Variants in APCDD1L observed in about 807,000 individuals in gnomAD.
The protein encoded by APCDD1L is protein APCDD1-like.
A neutral mutation model predicts 24.2 loss-of-function variants in APCDD1L; 21 were observed. The observed-to-expected ratio is 0.87, with a 90% CI of 0.61 to 1.25. The LOEUF (loss-of-function observed/expected upper bound fraction) is 1.25, where lower values mean the gene tolerates loss of function less well. Ranked by LOEUF, APCDD1L falls within the 50% of genes most tolerant of loss-of-function variation. APCDD1L has a pLI of 0.00. For missense variants in APCDD1L, 704 were observed against 711.7 expected, an observed-to-expected ratio of 0.99 and a Z score of 0.12; for synonymous variants, 321 against 323.6, an observed-to-expected ratio of 0.99 and a Z score of 0.09.
At chr20:58,484,123 A>G (rs963136657) in intron 1 of APCDD1L, among the ~76,000 whole-genome samples, 2 of 152,228 alleles carry the variant, frequency 1.3e-5, no homozygotes, top group African/African-American at 2.4e-5. Flanking sequence ...TTGGGTATGG[A>G]CAGAGAAGAG....
At chr20:58,466,777 G>A (rs562515463) in intron 3 of APCDD1L, among the ~76,000 whole-genome samples, 2 of 152,302 alleles carry the variant, frequency 1.3e-5, no homozygotes, top group South Asian at 4.2e-4. Flanking sequence ...CTAAGGGAGG[G>A]GGACACCCAC....
At chr20:58,504,353 G>A (rs995730830) in intron 1 of APCDD1L, among the ~76,000 whole-genome samples, 47 of 152,176 alleles carry the variant, frequency 3.1e-4, no homozygotes, top group Non-Finnish European at 7.3e-5. Flanking sequence ...AGGGAGCAGT[G>A]AGTTCTGGGC....
rs73915901 is a variant in APCDD1L, at chr20:58,507,515, G to C, written c.49+7144C>G. On this transcript the variant is annotated intron_variant, in intron 1 of 3. Coordinates refer to ENST00000371149, the MANE Select transcript of APCDD1L (RefSeq NM_153360.3). ...CTCTCCTTCTCCCTCTGCCACATAC[G>C]CACACCCACCCACACCCCCACACAC... Among the ~76,000 whole-genome samples the C allele has an allele frequency of 9.0e-4, 137 of 151,552 alleles. 1 individual carries two copies. Among genetic ancestry groups the C allele is most frequent in the African/African-American group, 3.2e-3 (131 of 41,284 alleles).
At chr20:58,492,728 C>T (rs1029462111) in intron 1 of APCDD1L, among the ~76,000 whole-genome samples, 8 of 152,252 alleles carry the variant, frequency 5.3e-5, no homozygotes, top group East Asian at 1.9e-4. Context: ...CCTGTGCATA[C>T]GCATGCACTG....
At chr20:58,465,471 C>T (rs939796671) in intron 3 of APCDD1L, among the ~76,000 whole-genome samples, 2 of 152,076 alleles carry the variant, frequency 1.3e-5, no homozygotes, top group Admixed American at 6.6e-5. Context: ...GTCCAGTACA[C>T]GGTAGGCAAC....
chr20:58,484,400 A>G (rs915803954), intron 1 of APCDD1L, among the ~76,000 whole-genome samples: 3 of 152,210 alleles, frequency 2.0e-5, no homozygotes, highest in African/African-American at 4.8e-5. Flanking sequence ...CTGAACTTCC[A>G]TCTCTACAAC....
rs374283748 is a variant in APCDD1L at position 58,494,377 on chromosome 20, G to A, written c.49+20282C>T. ...TCTTGAGTCAGGGTTTCATTCTGTC[G>A]CATAGGCTAGAGTACAATGGGATCG... On this transcript the variant is annotated intron_variant, in intron 1 of 3. Transcript: ENST00000371149. The surrounding 1 kb of genome is among the most constrained non-coding windows in gnomAD (Gnocchi z 4.8). Among the ~76,000 whole-genome samples the A allele has an allele frequency of 1.5e-4, 22 of 149,574 alleles. No individual in the cohort carries two copies. The highest frequency in any genetic ancestry group is 6.4e-4 in the South Asian group (3 of 4,718).
chr20:58,474,704 CAAACAAAACA>C (rs762333127), intron 1 of APCDD1L, among the ~76,000 whole-genome samples: 13 of 152,210 alleles, frequency 8.5e-5, no homozygotes, highest in Non-Finnish European at 2.9e-5. Flanking sequence ...GACTCAGTCT[CAAACAAAACA>C]AAACAAAACA....
intron 3 of APCDD1L, among the ~76,000 whole-genome samples, chr20:58,465,934 A>T (rs1252617268): frequency 3.9e-5 from 6 of 151,916 alleles, no homozygotes. Flanking sequence ...AATCCCACGT[A>T]TTTTCTCTTA....
rs190035602 is a variant in APCDD1L, at chr20:58,500,724, G to A, written c.49+13935C>T. Among the ~76,000 whole-genome samples, 408 of 152,184 alleles carry A rather than the reference G, an allele frequency of 2.7e-3. 7 individuals carry two copies. The South Asian group carries it at 0.027, about 10-fold the overall frequency. On this transcript the variant is annotated intron_variant, in intron 1 of 3. Transcript: ENST00000371149. ...TCACCACAGCCACCCACGCTCTGAG[G>A]ACATCCCATCCTTCCTCCAGGCCAC...
intron 1 of APCDD1L, among the ~76,000 whole-genome samples, chr20:58,477,807 A>G (rs1002166549): frequency 1.3e-5 from 2 of 152,016 alleles, no homozygotes; most frequent in African/African-American, 4.8e-5. Flanking sequence ...GTTTTTAGAG[A>G]TGGGGTCTCA....
intron 1 of APCDD1L, among the ~76,000 whole-genome samples, chr20:58,487,548 G>A (rs549268472): frequency 1.2e-3 from 185 of 152,170 alleles, no homozygotes; most frequent in Admixed American, 2.6e-3. Context: ...ATTGGATTTC[G>A]AAACCCCTAG....
At chr20:58,462,987 C>CA (rs1989639880) in intron 3 of APCDD1L, among the ~76,000 whole-genome samples, 1 of 151,506 alleles carries the variant, frequency 6.6e-6, no homozygotes, top group African/African-American at 2.4e-5. Context: ...ACAAAAAATA[C>CA]AAAAATTAGC....
Position 58,460,905 on chromosome 20 carries a change from C to T in APCDD1L, c.1391G>A (p.Arg464Lys). 1 of 1,610,566 alleles carries T rather than the reference C, an allele frequency of 6.2e-7. No homozygotes were observed. The highest frequency in any genetic ancestry group is 1.1e-5 in the South Asian group (1 of 90,748). ...LCHGEAPDFS[R>K]PPQHRPSLQK... ...CAGCGATGGCCTGTGCTGCGGTGGC[C>T]TGGAGAAGTCGGGGGCCTCCCCATG... Residue 464 changes from arginine to lysine, a missense_variant, in exon 4 of 4, where the codon AGG becomes AAG. By Grantham distance (26) the Arg-to-Lys change is conservative. Transcript: ENST00000371149. This position sits in a 1 kb window ranked among gnomAD's most constrained non-coding sequence, Gnocchi z 4.2.
intron 1 of APCDD1L, among the ~76,000 whole-genome samples, chr20:58,473,294 A>G (rs4812002): frequency 0.49 from 74,052 of 151,874 alleles, 18,904 homozygotes; most frequent in African/African-American, 0.64. Context: ...CCCTTTTGTC[A>G]TGAATCCTCA....
At chr20:58,473,434 C>T (rs1169666058) in intron 1 of APCDD1L, among the ~76,000 whole-genome samples, 2 of 152,172 alleles carry the variant, frequency 1.3e-5, no homozygotes, top group African/African-American at 2.4e-5. Flanking sequence ...CACACAAATG[C>T]GAAGAGCTCC....
In APCDD1L at chr20:58,499,101, G is replaced by A. The variant is rs541094191; in HGVS notation, c.49+15558C>T. 7.9e-5 allele frequency among the ~76,000 whole-genome samples: 12 copies of A among 152,330 alleles called. No individual in the cohort carries two copies. In the East Asian group the frequency reaches 1.2e-3, roughly 15 times the overall value. ...CGGGAGGGACAGTTGGGGCCAGTGC[G>A]ATGGCTCTGCCCAGGTTCCTTCTGG... On this transcript the variant is annotated intron_variant, in intron 1 of 3. Transcript: ENST00000371149.
chr20:58,487,553 C>A (rs905026986), intron 1 of APCDD1L, among the ~76,000 whole-genome samples: 1 of 151,970 alleles, frequency 6.6e-6, no homozygotes, highest in African/African-American at 2.4e-5. Context: ...ATTTCGAAAC[C>A]CCTAGCTATG....
chr20:58,468,489 G>A (rs552280948), intron 2 of APCDD1L, among the ~76,000 whole-genome samples: 2 of 151,868 alleles, frequency 1.3e-5, no homozygotes, highest in African/African-American at 4.9e-5. Flanking sequence ...TAGGGTGGAC[G>A]GTGGATGAAG....
Sources: gnomAD v4.1 joint callset for allele counts (sites outside exome capture counted in the v4.1 genomes callset) on GRCh38, gnomAD v4.1.1 for gene constraint, Gnocchi (gnomAD v3.1) non-coding constraint, MANE v1.5 for transcripts, NCBI Gene and HGNC (gene_info 2026-07-23, HGNC 2026-07-21) for gene names.